Variants in OCLN observed in about 807,000 individuals in gnomAD.
The protein encoded by OCLN is occludin.
In OCLN, 21 loss-of-function variants were observed where a neutral mutation model predicts 47.9. That is an observed-to-expected ratio of 0.44 (90% CI 0.31 to 0.63). The LOEUF is 0.63. Among genes scored for constraint, OCLN ranks in the 30% least tolerant of loss-of-function variants. The pLI is 0.08. For missense variants in OCLN, 360 were observed against 571.0 expected (o/e 0.63, Z 3.77); for synonymous variants, 117 against 198.4 (o/e 0.59, Z 3.45).
At chr5:69,499,828 A>T (rs894320285) in intron 1 of OCLN, among the ~76,000 whole-genome samples, 1 of 151,982 alleles carries the variant, frequency 6.6e-6, no homozygotes, top group South Asian at 2.1e-4. Context: ...CTCGTGATCC[A>T]CCCGCCTCGG....
chr5:69,524,031 C>G (rs1769213854), intron 4 of OCLN, among the ~76,000 whole-genome samples: 3 of 152,148 alleles, frequency 2.0e-5, no homozygotes, highest in South Asian at 2.1e-4. Context: ...TGCCTGTAGT[C>G]CCAGCTACTC....
chr5:69,530,953 G>A (rs989587202), intron 4 of OCLN, among the ~76,000 whole-genome samples: 3 of 152,242 alleles, frequency 2.0e-5, no homozygotes, highest in African/African-American at 7.2e-5. Context: ...ACACTGTGTG[G>A]TCCTTTGGAG....
chr5:69,532,065 T>G, intron 4 of OCLN, among the ~76,000 whole-genome samples: 1 of 152,216 alleles, frequency 6.6e-6, no homozygotes, highest in East Asian at 1.9e-4. Context: ...TTAAAGGCAC[T>G]GTAGTAAATG....
At chr5:69,508,507 AT>A (rs1174614818) in intron 2 of OCLN, among the ~76,000 whole-genome samples, 4 of 151,844 alleles carry the variant, frequency 2.6e-5, no homozygotes, top group African/African-American at 9.7e-5. Context: ...CGTCTGGCTA[AT>A]TTTTGTATTT....
chr5:69,512,595 G>C (rs189827182), intron 3 of OCLN, among the ~76,000 whole-genome samples: 1 of 152,168 alleles, frequency 6.6e-6, no homozygotes, highest in African/African-American at 2.4e-5. Context: ...ATGCCAGCTA[G>C]GATTTTGAAG....
intron 1 of OCLN, among the ~76,000 whole-genome samples, chr5:69,498,056 C>G (rs1470736554): frequency 6.6e-6 from 1 of 151,308 alleles, no homozygotes; most frequent in Non-Finnish European, 1.5e-5. Context: ...GGCGTGAACC[C>G]GGGAGGCGGA....
At chr5:69,550,381 G>A (rs1375646969) in intron 7 of OCLN, among the ~76,000 whole-genome samples, 40 of 149,002 alleles carry the variant, frequency 2.7e-4, no homozygotes, top group Non-Finnish European at 3.4e-4. Context: ...TAGTAGAGAC[G>A]GGGTTTTGCC....
chr5:69,517,532 C>T (rs1434212719), intron 4 of OCLN, among the ~76,000 whole-genome samples: 2 of 152,074 alleles, frequency 1.3e-5, no homozygotes, highest in East Asian at 1.9e-4. Flanking sequence ...AGGCTGGTCT[C>T]GAACTCCTGA....
At chr5:69,532,309 A>G (rs1769453891) in intron 4 of OCLN, among the ~76,000 whole-genome samples, 1 of 152,174 alleles carries the variant, frequency 6.6e-6, no homozygotes, top group Non-Finnish European at 1.5e-5. Context: ...ATCAGAGCTC[A>G]CTGCAGCCTC....
chr5:69,532,694 G>A (rs1005984215), intron 4 of OCLN, among the ~76,000 whole-genome samples: 9 of 152,054 alleles, frequency 5.9e-5, no homozygotes, highest in African/African-American at 9.7e-5. Context: ...GTGGCCGGGC[G>A]TGGTGGCTCA....
chr5:69,538,553 CT>C (rs1769653413), intron 5 of OCLN, among the ~76,000 whole-genome samples: 1 of 124,596 alleles, frequency 8.0e-6, no homozygotes, highest in South Asian at 3.0e-4. Context: ...GGTGATCTAC[CT>C]GTCTTGGCCT....
At chr5:69,550,214 C>T (rs1299456777) in intron 7 of OCLN, among the ~76,000 whole-genome samples, 16 of 102,270 alleles carry the variant, frequency 1.6e-4, no homozygotes, top group East Asian at 1.4e-3. Context: ...TTTTTTGAGA[C>T]GGAGTCTTGC....
At chr5:69,505,795 C>A (rs1431751751) in intron 2 of OCLN, among the ~76,000 whole-genome samples, 2 of 152,178 alleles carry the variant, frequency 1.3e-5, no homozygotes, top group East Asian at 3.9e-4. Flanking sequence ...CAAACAGTTT[C>A]TCCTGCTGTT....
intron 5 of OCLN, among the ~76,000 whole-genome samples, chr5:69,538,048 A>G (rs1769637909): frequency 2.9e-5 from 4 of 136,986 alleles, no homozygotes; most frequent in Admixed American, 2.2e-4. Flanking sequence ...CTAATAAAAA[A>G]TATAGTGTAA....
In OCLN at chr5:69,509,501, A is replaced by T. The variant is rs1038987147; in HGVS notation, c.411A>T (p.Ala137=). 6.2e-7 allele frequency: 1 copy of T among 1,614,066 alleles called. No individual in the cohort carries two copies. Among genetic ancestry groups the T allele is most frequent in the Non-Finnish European group, 8.5e-7 (1 of 1,180,028 alleles). Reference sequence around the variant, plus strand: ...GAGGCTATACAGACCCAAGAGCAGCAAAGGGCTTCATGTTGGCCATGGCTG... The same window carrying T: ...GAGGCTATACAGACCCAAGAGCAGCTAAGGGCTTCATGTTGGCCATGGCTG... ...GYGGYTDPRA[A]KGFMLAMAAF... The change falls in exon 3 of 9, where the codon GCA becomes GCT. Residue 137 remains alanine (A), a synonymous_variant. Coordinates refer to ENST00000396442, the MANE Select transcript of OCLN (RefSeq NM_001205254.2).
intron 4 of OCLN, among the ~76,000 whole-genome samples, chr5:69,523,308 AT>A: frequency 6.6e-6 from 1 of 152,066 alleles, no homozygotes; most frequent in East Asian, 1.9e-4. Context: ...GGCCAGCATA[AT>A]TGTGTAAAAG....
At chr5:69,526,044 C>T (rs1006436435) in intron 4 of OCLN, among the ~76,000 whole-genome samples, 6 of 152,114 alleles carry the variant, frequency 3.9e-5, no homozygotes, top group East Asian at 3.9e-4. Context: ...TAGGTCTTTA[C>T]GAGGTACAGT....
chr5:69,503,054 T>G (rs1277940301), intron 1 of OCLN, among the ~76,000 whole-genome samples: 5 of 152,192 alleles, frequency 3.3e-5, no homozygotes, highest in Non-Finnish European at 1.5e-5. Context: ...ATCTGTAAAG[T>G]GACTAATCAA....
chr5:69,537,359 G>A (rs1298628868), intron 5 of OCLN, among the ~76,000 whole-genome samples: 40 of 41,964 alleles, frequency 9.5e-4, no homozygotes, highest in Non-Finnish European at 1.6e-3. Flanking sequence ...CAGTAGCTGG[G>A]ACTACACATG....
Sources: allele counts gnomAD v4.1 joint callset (sites outside exome capture counted in the v4.1 genomes callset), GRCh38; gene constraint gnomAD v4.1.1; transcripts MANE v1.5; gene names NCBI Gene and HGNC (gene_info 2026-07-23, HGNC 2026-07-21).